PRPSAP2: variants seen among roughly 807,000 people sequenced by gnomAD.
PRPSAP2 encodes the protein phosphoribosyl pyrophosphate synthetase associated protein 2.
In PRPSAP2, 24 loss-of-function variants were observed where a neutral mutation model predicts 40.6. That is an observed-to-expected ratio of 0.59 (90% CI 0.43 to 0.83). The LOEUF is 0.83. Ranked by LOEUF, PRPSAP2 falls within the 40% of genes least tolerant of loss-of-function variation. The pLI is 0.00. For missense variants in PRPSAP2, 292 were observed against 465.6 expected, an observed-to-expected ratio of 0.63 and a Z score of 3.43; for synonymous variants, 149 against 164.7, an observed-to-expected ratio of 0.90 and a Z score of 0.73.
intron 8 of PRPSAP2, among the ~76,000 whole-genome samples, chr17:18,907,450 A>G (rs977198316): frequency 6.6e-6 from 1 of 152,226 alleles, no homozygotes; most frequent in Non-Finnish European, 1.5e-5. Flanking sequence ...CCATAATGAT[A>G]GTGATTCCAT....
At chr17:18,901,242 C>T (rs572884588) in intron 8 of PRPSAP2, among the ~76,000 whole-genome samples, 12 of 152,304 alleles carry the variant, frequency 7.9e-5, no homozygotes, top group Middle Eastern at 3.4e-3. Context: ...TCTTTGCCCA[C>T]TGGCATTTTT....
intron 7 of PRPSAP2, among the ~76,000 whole-genome samples, chr17:18,883,241 C>T (rs980699117): frequency 6.6e-6 from 1 of 152,028 alleles, no homozygotes; most frequent in Non-Finnish European, 1.5e-5. Context: ...TGGTTTATTA[C>T]CACCCTTGAA....
intron 8 of PRPSAP2, among the ~76,000 whole-genome samples, chr17:18,906,720 G>A (rs570126879): frequency 4.7e-5 from 7 of 149,870 alleles, no homozygotes; most frequent in South Asian, 2.1e-4. Context: ...TTGTTTGTTC[G>A]TTTTTCAGTA....
Position 18,911,169 on chromosome 17 carries a change from C to G in PRPSAP2, c.651C>G (p.Ala217=). 2.5e-6 allele frequency: 4 copies of G among 1,613,920 alleles called. No individual in the cohort carries two copies. The highest frequency in any genetic ancestry group is 1.7e-6 in the Non-Finnish European group (2 of 1,179,914). ...TGATTCATGGAGAGGCGCAGGATGC[C>G]GAGTCGGACTTGGTGGATGGACGGC... ...IAVIHGEAQD[A]ESDLVDGRHS... The change falls in exon 9 of 12, where the codon GCC becomes GCG. Residue 217 remains alanine (A), a synonymous_variant. Coordinates refer to ENST00000268835, the MANE Select transcript of PRPSAP2 (RefSeq NM_002767.4). The surrounding 1 kb of genome is among the most constrained non-coding windows in gnomAD (Gnocchi z 4.5).
intron 10 of PRPSAP2, among the ~76,000 whole-genome samples, chr17:18,924,236 C>T (rs561629594): frequency 1.3e-5 from 2 of 152,214 alleles, no homozygotes; most frequent in South Asian, 2.1e-4. Context: ...GATGGGGTTT[C>T]ACCATGTTGG....
At chr17:18,884,604 CAG>C (rs2038998359) in intron 7 of PRPSAP2, among the ~76,000 whole-genome samples, 1 of 152,100 alleles carries the variant, frequency 6.6e-6, no homozygotes, top group African/African-American at 2.4e-5. Flanking sequence ...CCTCCCAAAA[CAG>C]TGTGATTACA....
chr17:18,908,805 A>G, intron 8 of PRPSAP2: 1 of 725,316 alleles, frequency 1.4e-6, no homozygotes, highest in East Asian at 2.7e-5. Context: ...AAGTGGCGGA[A>G]AAGCTAGAAG....
chr17:18,912,701 A>C (rs1248208551), intron 9 of PRPSAP2, among the ~76,000 whole-genome samples: 1 of 152,204 alleles, frequency 6.6e-6, no homozygotes. Flanking sequence ...TCCAAAATGC[A>C]ATGGTGGGAC....
At chr17:18,865,132 A>G (rs1452008641) in intron 1 of PRPSAP2, among the ~76,000 whole-genome samples, 1 of 152,218 alleles carries the variant, frequency 6.6e-6, no homozygotes, top group East Asian at 1.9e-4. Context: ...GGCGTGAGCC[A>G]CCACATCTGA....
intron 7 of PRPSAP2, among the ~76,000 whole-genome samples, chr17:18,885,117 A>G (rs182142272): frequency 5.5e-4 from 83 of 152,216 alleles, no homozygotes; most frequent in Admixed American, 8.5e-4. Flanking sequence ...AGAAGAAGTC[A>G]GGGCTGAGTG....
chr17:18,907,480 G>C (rs1010296842), intron 8 of PRPSAP2, among the ~76,000 whole-genome samples: 1 of 152,166 alleles, frequency 6.6e-6, no homozygotes, highest in Non-Finnish European at 1.5e-5. Flanking sequence ...CTTAGTAATT[G>C]ATAGAATAAG....
intron 1 of PRPSAP2, among the ~76,000 whole-genome samples, chr17:18,865,111 C>T (rs1387550564): frequency 2.6e-5 from 4 of 152,200 alleles, no homozygotes; most frequent in Admixed American, 2.6e-4. Context: ...TCCCAAAGTG[C>T]TAGGATTACA....
chr17:18,902,557 G>A (rs886369648), intron 8 of PRPSAP2, among the ~76,000 whole-genome samples: 2 of 152,058 alleles, frequency 1.3e-5, no homozygotes, highest in South Asian at 4.2e-4. Flanking sequence ...GTGATTAGGG[G>A]ACTTGAGTGT....
intron 8 of PRPSAP2, chr17:18,908,311 C>T (rs1484193402): frequency 2.6e-6 from 2 of 776,502 alleles, no homozygotes; most frequent in African/African-American, 3.4e-5. Context: ...ATGATACTTC[C>T]ACTGAGAATG....
intron 6 of PRPSAP2, among the ~76,000 whole-genome samples, chr17:18,878,128 C>T (rs2038437860): frequency 6.6e-6 from 1 of 152,158 alleles, no homozygotes; most frequent in Non-Finnish European, 1.5e-5. Flanking sequence ...GTTGTTCAGG[C>T]TGGTTTTGAA....
rs538824443 is a variant in PRPSAP2 at position 18,892,239 on chromosome 17, C to CT, written c.584+2373dup. ...TTATCCATTCATCTGTTGATGGACA[C>CT]TTTTTTTTTTTACCGTTTGGCTATT... is the stretch of plus-strand genomic sequence containing the variant. On this transcript the variant is annotated intron_variant, in intron 8 of 11. Coordinates refer to ENST00000268835, the MANE Select transcript of PRPSAP2 (RefSeq NM_002767.4). 6.6e-4 allele frequency among the ~76,000 whole-genome samples: 97 copies of CT among 146,864 alleles called. 1 individual carries two copies. The highest frequency in any genetic ancestry group is 2.2e-3 in the Admixed American group (32 of 14,672).
chr17:18,902,869 CAAAAA>C (rs58345106), intron 8 of PRPSAP2, among the ~76,000 whole-genome samples: 168 of 73,302 alleles, frequency 2.3e-3, no homozygotes, highest in African/African-American at 8.8e-3. Flanking sequence ...AACTCCATCT[CAAAAA>C]AAAAAAAAAA....
chr17:18,918,364 A>G (rs1372606497), intron 9 of PRPSAP2, among the ~76,000 whole-genome samples: 1 of 152,206 alleles, frequency 6.6e-6, no homozygotes, highest in African/African-American at 2.4e-5. Flanking sequence ...ACGAGCCCTC[A>G]GGACCCAGCA....
intron 6 of PRPSAP2, among the ~76,000 whole-genome samples, chr17:18,879,739 C>A (rs75520042): frequency 0.53 from 79,694 of 150,684 alleles, 21,192 homozygotes; most frequent in Middle Eastern, 0.59. Flanking sequence ...CAGGCGTGAG[C>A]CACCACGCCC....
Sources: gnomAD v4.1 joint callset for allele counts (sites outside exome capture counted in the v4.1 genomes callset) on GRCh38, gnomAD v4.1.1 for gene constraint, Gnocchi (gnomAD v3.1) non-coding constraint, MANE v1.5 for transcripts, NCBI Gene and HGNC (gene_info 2026-07-23, HGNC 2026-07-21) for gene names.